Variants in TMEM181 observed in about 807,000 individuals in gnomAD.
TMEM181 encodes the protein transmembrane protein 181.
TMEM181 carries 39 observed loss-of-function variants against 71.9 expected under a neutral mutation model. The observed-to-expected ratio is 0.54, with a 90% CI of 0.42 to 0.71. The LOEUF (loss-of-function observed/expected upper bound fraction) is 0.71, where lower values mean the gene tolerates loss of function less well. Among genes scored for constraint, TMEM181 ranks in the 30% least tolerant of loss-of-function variants. The pLI, the probability that TMEM181 is intolerant of heterozygous loss-of-function variation, is 0.00. For synonymous variants in TMEM181, 245 were observed against 228.8 expected, an observed-to-expected ratio of 1.07 and a Z score of -0.64; for missense variants, 595 against 583.0, an observed-to-expected ratio of 1.02 and a Z score of -0.21.
Position 158,629,829 on chromosome 6 carries a change from C to T in TMEM181, c.1282+10C>T, listed in dbSNP as rs772324572. 4 of 1,611,298 alleles carry T rather than the reference C, an allele frequency of 2.5e-6. No homozygotes were observed. The Admixed American group carries it at 6.7e-5, about 27-fold the overall frequency. On this transcript the variant is annotated intron_variant, in intron 15 of 16. Coordinates refer to ENST00000684151, the MANE Select transcript of TMEM181 (RefSeq NM_001376852.1). ...AAGAATGCCCTCTATGGTAAGCCAC[C>T]CTGGGGTCTGGACTGCTGGCCAGTT...
intron 6 of TMEM181, among the ~76,000 whole-genome samples, chr6:158,596,312 C>T (rs1784388341): frequency 1.3e-5 from 2 of 152,294 alleles, no homozygotes; most frequent in South Asian, 4.1e-4. Flanking sequence ...CCTGTACGGC[C>T]GCACGTTTCT....
At chr6:158,601,488 C>T (rs1174936376) in intron 6 of TMEM181, among the ~76,000 whole-genome samples, 1 of 150,848 alleles carries the variant, frequency 6.6e-6, no homozygotes, top group African/African-American at 2.4e-5. Flanking sequence ...GGGCCAGGTG[C>T]AATGGCTCAC....
chr6:158,572,003 G>A (rs1229781611), intron 1 of TMEM181, among the ~76,000 whole-genome samples: 2 of 152,214 alleles, frequency 1.3e-5, no homozygotes, highest in Admixed American at 1.3e-4. Flanking sequence ...GTGAGTGTTT[G>A]CACTGAGTCC....
At chr6:158,595,322 G>T (rs1784332221) in intron 6 of TMEM181, among the ~76,000 whole-genome samples, 1 of 152,178 alleles carries the variant, frequency 6.6e-6, no homozygotes, top group Non-Finnish European at 1.5e-5. Flanking sequence ...GACGCTAATG[G>T]TATTTTAGTG....
intron 1 of TMEM181, among the ~76,000 whole-genome samples, chr6:158,562,479 G>GT (rs57486358): frequency 5.4e-5 from 4 of 73,478 alleles, no homozygotes; most frequent in Non-Finnish European, 1.1e-4. Context: ...TGTGTGTCTT[G>GT]CTTGGCACGT....
intron 1 of TMEM181, among the ~76,000 whole-genome samples, chr6:158,564,969 C>A (rs933692717): frequency 6.6e-6 from 1 of 152,140 alleles, no homozygotes; most frequent in Non-Finnish European, 1.5e-5. Flanking sequence ...ATGTGTAGTA[C>A]CAGAAGTTCT....
At chr6:158,559,102 C>T, upstream of TMEM181, among the ~76,000 whole-genome samples, 1 of 151,990 alleles carries the variant, frequency 6.6e-6, no homozygotes, top group Non-Finnish European at 1.5e-5. Flanking sequence ...TGCTTGGTAT[C>T]TCCCCCTTTT....
chr6:158,589,323 A>C, intron 5 of TMEM181, among the ~76,000 whole-genome samples: 1 of 152,190 alleles, frequency 6.6e-6, no homozygotes, highest in East Asian at 1.9e-4. Context: ...ATCTGCATTG[A>C]CGTGTCTTAG....
At chr6:158,627,252 T>C (rs1786369924) in intron 13 of TMEM181, among the ~76,000 whole-genome samples, 1 of 152,214 alleles carries the variant, frequency 6.6e-6, no homozygotes, top group Non-Finnish European at 1.5e-5. Flanking sequence ...TGGGAGCTAC[T>C]GTCTACTTCT....
At chr6:158,628,353 T>C in intron 13 of TMEM181, 55 bp from the exon 14 acceptor site, 2 of 1,534,954 alleles carry the variant, frequency 1.3e-6, no homozygotes, top group Non-Finnish European at 1.8e-6. Context: ...TCTCTGAAGC[T>C]AGTGCCGTTT....
intron 2 of TMEM181, among the ~76,000 whole-genome samples, chr6:158,579,255 G>A (rs564354844): frequency 1.5e-5 from 2 of 132,814 alleles, no homozygotes; most frequent in African/African-American, 2.9e-5. Context: ...ATGAAACTCC[G>A]TCTCAAAATT....
chr6:158,560,441 T>TCCTG (rs1268573126), intron 1 of TMEM181, among the ~76,000 whole-genome samples: 16 of 151,962 alleles, frequency 1.1e-4, no homozygotes, highest in Admixed American at 6.5e-4. Context: ...CGGGGCTCCC[T>TCCTG]CCTGCCTGCC....
intron 1 of TMEM181, among the ~76,000 whole-genome samples, chr6:158,541,836 CTTTTGTT>C (rs1781361530): frequency 6.7e-6 from 1 of 148,732 alleles, no homozygotes; most frequent in Admixed American, 6.7e-5. Flanking sequence ...ACAACTCTGT[CTTTTGTT>C]TCTTTTTTTG....
intron 1 of TMEM181, among the ~76,000 whole-genome samples, chr6:158,551,374 C>T (rs1305462774): frequency 6.6e-6 from 1 of 151,542 alleles, no homozygotes; most frequent in Non-Finnish European, 1.5e-5. Context: ...TCCACTGGTC[C>T]TACAGTTACT....
upstream of TMEM181, among the ~76,000 whole-genome samples, chr6:158,555,424 T>C (rs1473054192): frequency 6.6e-6 from 1 of 152,156 alleles, no homozygotes; most frequent in Non-Finnish European, 1.5e-5. Context: ...AGGTTGTTGG[T>C]TTTGGTTTAA....
rs761801761 is a variant in TMEM181 at position 158,580,910 on chromosome 6, C to T, written c.113-30C>T. 7.6e-6 allele frequency: 12 copies of T among 1,568,892 alleles called. No individual in the cohort carries two copies. The East Asian group carries it at 2.5e-4, about 33-fold the overall frequency. Reference sequence around the variant, plus strand: ...ACTAAATTATCAATATTGCTATAATCTGCTTTTGTCCTTTTCTGTTACACT... The same window carrying T: ...ACTAAATTATCAATATTGCTATAATTTGCTTTTGTCCTTTTCTGTTACACT... On this transcript the variant is annotated intron_variant, in intron 2 of 16. Coordinates refer to ENST00000684151, the MANE Select transcript of TMEM181 (RefSeq NM_001376852.1).
chr6:158,560,617 C>G (rs557647425), intron 1 of TMEM181, among the ~76,000 whole-genome samples: 1 of 152,274 alleles, frequency 6.6e-6, no homozygotes, highest in Non-Finnish European at 1.5e-5. Flanking sequence ...GCCTCTCCTG[C>G]CGGAAAGGCC....
At chr6:158,584,118 A>C in intron 4 of TMEM181, 74 bp downstream of exon 4, 2 of 1,291,066 alleles carry the variant, frequency 1.5e-6, no homozygotes, top group South Asian at 2.7e-5. Context: ...TGACTTCAGA[A>C]TATTCAGACA....
At chr6:158,577,833 G>A (rs1317095182) in intron 2 of TMEM181, among the ~76,000 whole-genome samples, 4 of 152,208 alleles carry the variant, frequency 2.6e-5, no homozygotes, top group South Asian at 2.1e-4. Context: ...GCTCACCCCT[G>A]TAATCCCAGT....
Sources: allele counts gnomAD v4.1 joint callset (sites outside exome capture counted in the v4.1 genomes callset), GRCh38; gene constraint gnomAD v4.1.1; transcripts MANE v1.5; gene names NCBI Gene and HGNC (gene_info 2026-07-23, HGNC 2026-07-21).